Variants in LGR4 observed in about 807,000 individuals in gnomAD.
LGR4 encodes the protein leucine-rich repeat-containing G protein-coupled receptor 4.
Under a neutral mutation model 84.8 loss-of-function variants are expected in LGR4, and 44 were observed. The observed-to-expected ratio is 0.52, with a 90% CI of 0.41 to 0.67. The LOEUF is 0.67. Among genes scored for constraint, LGR4 ranks in the 30% least tolerant of loss-of-function variants. The pLI is 0.00. For missense variants in LGR4, 1,032 were observed against 1,131.4 expected (o/e 0.91, Z 1.26); for synonymous variants, 429 against 434.3 (o/e 0.99, Z 0.15).
At chr11:27,443,769 T>C (rs1864340647) in intron 1 of LGR4, among the ~76,000 whole-genome samples, 1 of 152,170 alleles carries the variant, frequency 6.6e-6, no homozygotes, top group Non-Finnish European at 1.5e-5. Context: ...TAAACTGTCA[T>C]CACAACATCC....
At chr11:27,407,334 T>C (rs1863630251) in intron 2 of LGR4, among the ~76,000 whole-genome samples, 1 of 152,120 alleles carries the variant, frequency 6.6e-6, no homozygotes, top group Non-Finnish European at 1.5e-5. Flanking sequence ...TTCTGTGCCT[T>C]TTGAGGCAAC....
chr11:27,392,539 A>C, intron 2 of LGR4, 21 bp from the exon 3 acceptor site: 1 of 1,497,804 alleles, frequency 6.7e-7, no homozygotes, highest in Non-Finnish European at 9.0e-7. Flanking sequence ...AAAAAAAAAA[A>C]GTAGCAAGAA....
chr11:27,393,067 G>C (rs1241398682), intron 2 of LGR4, among the ~76,000 whole-genome samples: 1 of 152,070 alleles, frequency 6.6e-6, no homozygotes, highest in Non-Finnish European at 1.5e-5. Flanking sequence ...GAAGTAAAGA[G>C]GTTTTCCTAA....
At chr11:27,471,163 T>C (rs1864864299) in intron 1 of LGR4, among the ~76,000 whole-genome samples, 1 of 152,218 alleles carries the variant, frequency 6.6e-6, no homozygotes, top group African/African-American at 2.4e-5. Context: ...ACAACCTAGT[T>C]CAGATTCCTC....
intron 1 of LGR4, among the ~76,000 whole-genome samples, chr11:27,414,399 A>G (rs1425486488): frequency 1.3e-5 from 2 of 151,682 alleles, no homozygotes; most frequent in East Asian, 1.9e-4. Flanking sequence ...CGGGGTTTAA[A>G]AAAAAAAAGA....
chr11:27,444,585 T>C (rs534306220), intron 1 of LGR4, among the ~76,000 whole-genome samples: 2 of 152,340 alleles, frequency 1.3e-5, no homozygotes, highest in Admixed American at 6.5e-5. Context: ...AAGAACTTTG[T>C]GTAGGTCTAT....
chr11:27,433,478 A>T (rs962764672), intron 1 of LGR4, among the ~76,000 whole-genome samples: 4 of 149,306 alleles, frequency 2.7e-5, no homozygotes, highest in African/African-American at 9.9e-5. Flanking sequence ...TAATCTGCCC[A>T]CCTCAGCCTC....
intron 2 of LGR4, among the ~76,000 whole-genome samples, chr11:27,394,318 C>G (rs963574555): frequency 5.3e-5 from 8 of 152,158 alleles, no homozygotes; most frequent in Admixed American, 1.3e-4. Context: ...TCAGTTGCTT[C>G]CATTTTAAAA....
intron 2 of LGR4, among the ~76,000 whole-genome samples, chr11:27,404,828 G>C (rs564493779): frequency 5.8e-4 from 89 of 152,242 alleles, no homozygotes; most frequent in Non-Finnish European, 8.2e-4. Flanking sequence ...ATTTGCAACA[G>C]GAAAGAATGA....
chr11:27,367,645 C>T lies in LGR4; in HGVS notation c.*222G>A. On this transcript the variant is annotated 3_prime_UTR_variant, in exon 18 of 18. Transcript: ENST00000379214. The stretch of plus-strand genomic sequence containing the variant: ...TTTCAAGTCATATATTTGTTTCAAA[C>T]AGATCATACATTGCTTGGACATTGC... 2.3e-6 allele frequency: 1 copy of T among 433,444 alleles called. No homozygotes were observed. The highest frequency in any genetic ancestry group is 4.1e-6 in the Non-Finnish European group (1 of 245,036). 26.8% of individuals were successfully genotyped at this position (433,444 alleles called of 1,614,324 possible). A position where few individuals can be genotyped will look rare whatever the true frequency, so the allele number is the denominator to read the frequency against.
intron 1 of LGR4, among the ~76,000 whole-genome samples, chr11:27,461,852 T>C (rs1476828203): frequency 1.4e-5 from 2 of 143,946 alleles, no homozygotes; most frequent in Non-Finnish European, 3.0e-5. Context: ...TTTTTTTTTT[T>C]TTTTTTTTTG....
At chr11:27,400,521 GAGA>G (rs778261872) in intron 2 of LGR4, among the ~76,000 whole-genome samples, 1 of 132,452 alleles carries the variant, frequency 7.5e-6, no homozygotes, top group Non-Finnish European at 1.6e-5. Context: ...TTTTTTTTTT[GAGA>G]AGGAGTCTCA....
intron 5 of LGR4, among the ~76,000 whole-genome samples, chr11:27,385,047 G>C (rs984223290): frequency 3.3e-5 from 5 of 152,126 alleles, no homozygotes; most frequent in African/African-American, 4.8e-5. Flanking sequence ...CTGGTCATTT[G>C]TCTTAGGGAG....
intron 5 of LGR4, 39 bp from the exon 6 acceptor site, chr11:27,384,446 C>T: frequency 1.5e-6 from 2 of 1,349,288 alleles, no homozygotes; most frequent in Non-Finnish European, 2.1e-6. Context: ...TTTTCCATCT[C>T]CCATTGGCAA....
chr11:27,470,562 A>G (rs551098038), intron 1 of LGR4, among the ~76,000 whole-genome samples: 9 of 152,156 alleles, frequency 5.9e-5, no homozygotes, highest in Non-Finnish European at 1.3e-4. Flanking sequence ...TTGGGGAAAA[A>G]TTAGTCCCAT....
intron 1 of LGR4, among the ~76,000 whole-genome samples, chr11:27,426,493 T>C (rs1452049491): frequency 6.6e-6 from 1 of 152,072 alleles, no homozygotes; most frequent in Non-Finnish European, 1.5e-5. Flanking sequence ...GTTAACAATT[T>C]CCCCAAGCCA....
Position 27,467,933 on chromosome 11 carries a change from T to G in LGR4, c.185+4185A>C, listed in dbSNP as rs201048145. ...ACACAACACAAACTAAGCCAACAATTGATTTCTGTAATTCAGAAATCAAAA... is the reference window on the plus strand; with the variant it reads ...ACACAACACAAACTAAGCCAACAATGGATTTCTGTAATTCAGAAATCAAAA... On this transcript the variant is annotated intron_variant, in intron 1 of 17. Transcript: ENST00000379214. 2.6e-5 allele frequency among the ~76,000 whole-genome samples: 4 copies of G among 152,334 alleles called. No individual in the cohort carries two copies. The East Asian group carries it at 5.8e-4, about 22-fold the overall frequency.
At chr11:27,466,410 T>C (rs1030295559) in intron 1 of LGR4, among the ~76,000 whole-genome samples, 2 of 152,200 alleles carry the variant, frequency 1.3e-5, no homozygotes, top group Non-Finnish European at 2.9e-5. Context: ...ATTTATTGAT[T>C]AGAAGAATGA....
intron 1 of LGR4, among the ~76,000 whole-genome samples, chr11:27,431,885 A>G (rs936541091): frequency 6.6e-6 from 1 of 152,210 alleles, no homozygotes; most frequent in African/African-American, 2.4e-5. Context: ...TTCTGTGTTT[A>G]GCTTCCTCAT....
Sources: gnomAD v4.1 joint callset for allele counts (sites outside exome capture counted in the v4.1 genomes callset) on GRCh38, gnomAD v4.1.1 for gene constraint, MANE v1.5 for transcripts, NCBI Gene and HGNC (gene_info 2026-07-23, HGNC 2026-07-21) for gene names.